The following SLC8A3 variants were observed in gnomAD, a reference collection of about 807,000 sequenced individuals.
SLC8A3 encodes the protein sodium/calcium exchanger 3.
SLC8A3 carries 37 observed loss-of-function variants against 65.4 expected under a neutral mutation model. That is an observed-to-expected ratio of 0.57 (90% confidence interval 0.44 to 0.74). SLC8A3 has a LOEUF of 0.74. Ranked by LOEUF, SLC8A3 falls within the 30% of genes least tolerant of loss-of-function variation. The pLI is 0.00. For missense variants in SLC8A3, 1,112 were observed against 1,172.1 expected (o/e 0.95, Z 0.75); for synonymous variants, 461 against 444.5 (o/e 1.04, Z -0.47).
At chr14:70,125,537 T>C (rs553009629) in intron 2 of SLC8A3, among the ~76,000 whole-genome samples, 7 of 152,292 alleles carry the variant, frequency 4.6e-5, no homozygotes. Flanking sequence ...AGTATTCCAT[T>C]GTGTGTGTAT....
At chr14:70,106,192 T>G (rs1281693759) in intron 2 of SLC8A3, among the ~76,000 whole-genome samples, 2 of 152,144 alleles carry the variant, frequency 1.3e-5, no homozygotes, top group East Asian at 3.8e-4. Flanking sequence ...ATGTCCATTC[T>G]TACCACTTTT....
In SLC8A3 at chr14:70,046,163, C is replaced by A; in HGVS notation, c.2550G>T (p.Val850=). ...CGGAGAAGGCCAGTGTGCCGGCCGA[C>A]ACGTGGAACTCCTGTCCCTGCAGAG... The part of the protein sequence containing the change: ...YWALQGQEFH[V]SAGTLAFSVT... Residue 850 remains valine, a synonymous_variant, in exon 7 of 7, where the codon GTG becomes GTT. Transcript: ENST00000356921. The surrounding 1 kb of genome is among the most constrained non-coding windows in gnomAD (Gnocchi z 4.2). 2.5e-6 allele frequency: 4 copies of A among 1,614,196 alleles called. 1 individual carries two copies. The South Asian group carries it at 3.3e-5, about 13-fold the overall frequency.
chr14:70,056,494 T>C (rs1379079484), intron 3 of SLC8A3, among the ~76,000 whole-genome samples: 1 of 152,226 alleles, frequency 6.6e-6, no homozygotes, highest in Non-Finnish European at 1.5e-5. Flanking sequence ...ATGTTTTCCT[T>C]GAATGGTTTG....
At chr14:70,163,741 A>T (rs1897017189) in intron 2 of SLC8A3, among the ~76,000 whole-genome samples, 1 of 152,166 alleles carries the variant, frequency 6.6e-6, no homozygotes, top group Non-Finnish European at 1.5e-5. Flanking sequence ...AGAGCTTCAG[A>T]ACCTTTCACC....
At chr14:70,143,575 A>G (rs1042510550) in intron 2 of SLC8A3, among the ~76,000 whole-genome samples, 1 of 152,024 alleles carries the variant, frequency 6.6e-6, no homozygotes, top group Non-Finnish European at 1.5e-5. Context: ...CGTCAACACA[A>G]TGAAATCCAA....
At chr14:70,161,410 G>A (rs1896888309) in intron 2 of SLC8A3, among the ~76,000 whole-genome samples, 1 of 149,218 alleles carries the variant, frequency 6.7e-6, no homozygotes. Flanking sequence ...GTACTGCTAA[G>A]TATCCCCATT....
intron 1 of SLC8A3, among the ~76,000 whole-genome samples, chr14:70,176,505 TG>T (rs1897918851): frequency 6.6e-6 from 1 of 152,242 alleles, no homozygotes; most frequent in Non-Finnish European, 1.5e-5. Flanking sequence ...TTGAAAATCC[TG>T]GGAGAGAAGA....
intron 2 of SLC8A3, among the ~76,000 whole-genome samples, chr14:70,154,027 A>C (rs1896430476): frequency 6.6e-6 from 1 of 152,216 alleles, no homozygotes; most frequent in African/African-American, 2.4e-5. Context: ...CCAGCAGTCA[A>C]GGATGGTGAA....
At chr14:70,177,452 A>C (rs7146198) in intron 1 of SLC8A3, among the ~76,000 whole-genome samples, 130,419 of 152,226 alleles carry the variant, frequency 0.86, 55,960 homozygotes, top group Admixed American at 0.88. Flanking sequence ...GCATGTGCAA[A>C]GTGCCAAGAG....
chr14:70,060,745 T>C, intron 3 of SLC8A3, 91 bp downstream of exon 3: 1 of 816,040 alleles, frequency 1.2e-6, no homozygotes, highest in Non-Finnish European at 2.2e-6. Context: ...GACAAAAATA[T>C]AGCTGCTTTT....
intron 2 of SLC8A3, among the ~76,000 whole-genome samples, chr14:70,138,203 G>A (rs532958653): frequency 1.3e-5 from 2 of 152,236 alleles, no homozygotes; most frequent in African/African-American, 4.8e-5. Context: ...AGGATGGGAG[G>A]AGAACAGCCC....
At chr14:70,060,616 A>G (rs1387159820) in intron 3 of SLC8A3, 5 of 690,440 alleles carry the variant, frequency 7.2e-6, no homozygotes, top group Admixed American at 1.8e-5. Context: ...GGAATAAGCT[A>G]AGGCTAAGAA....
intron 2 of SLC8A3, among the ~76,000 whole-genome samples, chr14:70,078,358 G>T (rs1334909737): frequency 1.3e-5 from 2 of 152,164 alleles, no homozygotes; most frequent in African/African-American, 4.8e-5. Context: ...ATTAAAATTA[G>T]GGTACTGTAT....
Position 70,046,337 on chromosome 14 carries a change from A to C in SLC8A3, c.2390-14T>G. On this transcript the variant is annotated splice_polypyrimidine_tract_variant and intron_variant, in intron 6 of 6. Transcript: ENST00000356921. The surrounding 1 kb of genome is among the most constrained non-coding windows in gnomAD (Gnocchi z 4.2). ...TGGCAAACGTATCTGGAAAAGGACA[A>C]AGACACATGGGAACTGGTAGGAGGC... The C allele has an allele frequency of 6.3e-7, 1 of 1,591,842 alleles. No homozygotes were observed. Among genetic ancestry groups the C allele is most frequent in the Non-Finnish European group, 8.6e-7 (1 of 1,167,728 alleles).
chr14:70,062,376 A>G (rs940390836), intron 2 of SLC8A3, among the ~76,000 whole-genome samples: 4 of 152,226 alleles, frequency 2.6e-5, no homozygotes, highest in Admixed American at 6.5e-5. Context: ...GACCACATCT[A>G]CAATAGTGGT....
chr14:70,087,039 C>T (rs927381607), intron 2 of SLC8A3, among the ~76,000 whole-genome samples: 2 of 152,190 alleles, frequency 1.3e-5, no homozygotes, highest in East Asian at 1.9e-4. Context: ...CTGATGTCAG[C>T]TTCTATAGGT....
chr14:70,141,045 G>A (rs1274833618), intron 2 of SLC8A3, among the ~76,000 whole-genome samples: 3 of 152,224 alleles, frequency 2.0e-5, no homozygotes, highest in Admixed American at 2.0e-4. Context: ...AGCCTATAGA[G>A]AAGAGGATAA....
intron 2 of SLC8A3, among the ~76,000 whole-genome samples, chr14:70,157,906 A>T (rs17107878): frequency 0.034 from 5,148 of 152,316 alleles, 298 homozygotes; most frequent in African/African-American, 0.12. Context: ...AGGCTTTCTT[A>T]AGGGATCCTT....
At chr14:70,155,587 A>G (rs80183393) in intron 2 of SLC8A3, among the ~76,000 whole-genome samples, 7,453 of 152,314 alleles carry the variant, frequency 0.049, 220 homozygotes, top group Middle Eastern at 0.075. Context: ...TAATGGTATG[A>G]CAAAATCCTT....
Sources: gnomAD v4.1 joint callset for allele counts (sites outside exome capture counted in the v4.1 genomes callset) on GRCh38, gnomAD v4.1.1 for gene constraint, Gnocchi (gnomAD v3.1) non-coding constraint, MANE v1.5 for transcripts, NCBI Gene and HGNC (gene_info 2026-07-23, HGNC 2026-07-21) for gene names.